The following PTPRT variants were observed in gnomAD, a reference collection of about 807,000 sequenced individuals.
The protein encoded by PTPRT is receptor-type tyrosine-protein phosphatase T.
PTPRT carries 56 observed loss-of-function variants against 176.8 expected under a neutral mutation model. That is an observed-to-expected ratio of 0.32 (90% confidence interval 0.26 to 0.40). The LOEUF (loss-of-function observed/expected upper bound fraction) is 0.40. PTPRT is among the 10% of genes least tolerant of loss of function. The pLI, the probability that PTPRT is intolerant of heterozygous loss-of-function variation, is 1.00. For synonymous variants in PTPRT, 783 were observed against 739.0 expected, an observed-to-expected ratio of 1.06 and a Z score of -0.96; for missense variants, 1,540 against 1,908.2, an observed-to-expected ratio of 0.81 and a Z score of 3.60.
chr20:42,583,484 G>A (rs886962346), intron 7 of PTPRT, among the ~76,000 whole-genome samples: 2 of 152,154 alleles, frequency 1.3e-5, no homozygotes, highest in Non-Finnish European at 2.9e-5. Context: ...ATGACATTGG[G>A]CCTTGTCATG....
intron 1 of PTPRT, among the ~76,000 whole-genome samples, chr20:43,052,564 T>C (rs1568755714): frequency 6.6e-6 from 1 of 152,238 alleles, no homozygotes; most frequent in Non-Finnish European, 1.5e-5. Context: ...TCTACAAGTT[T>C]ATTAATGCTT....
chr20:42,522,499 T>C (rs2072193801), intron 7 of PTPRT, among the ~76,000 whole-genome samples: 1 of 152,136 alleles, frequency 6.6e-6, no homozygotes, highest in Non-Finnish European at 1.5e-5. Flanking sequence ...CTCACTCTAT[T>C]GCTCAGGCTG....
At chr20:43,010,721 A>G (rs1325287273) in intron 1 of PTPRT, among the ~76,000 whole-genome samples, 2 of 143,262 alleles carry the variant, frequency 1.4e-5, no homozygotes, top group Admixed American at 1.4e-4. Context: ...TGAATCCACC[A>G]CTTGCAAGAA....
chr20:43,116,264 A>T (rs2013055678), intron 1 of PTPRT, among the ~76,000 whole-genome samples: 5 of 152,154 alleles, frequency 3.3e-5, no homozygotes. Flanking sequence ...CTCAGATACC[A>T]CTGACTCTCA....
chr20:42,498,982 G>A (rs2071702167), intron 7 of PTPRT, among the ~76,000 whole-genome samples: 2 of 152,252 alleles, frequency 1.3e-5, no homozygotes, highest in African/African-American at 4.8e-5. Context: ...TTTGGGACAT[G>A]TTCTCAGAAC....
chr20:42,278,398 C>G (rs909279962), intron 13 of PTPRT, among the ~76,000 whole-genome samples: 2 of 151,504 alleles, frequency 1.3e-5, no homozygotes, highest in African/African-American at 4.8e-5. Context: ...GAAAGAAGAC[C>G]AGTGTGCCAG....
chr20:42,289,956 T>C (rs2057292478), intron 12 of PTPRT, among the ~76,000 whole-genome samples: 1 of 152,106 alleles, frequency 6.6e-6, no homozygotes, highest in South Asian at 2.1e-4. Context: ...AATTTGTCTC[T>C]GTTGGTCAGA....
intron 1 of PTPRT, among the ~76,000 whole-genome samples, chr20:43,020,632 C>A (rs1416800987): frequency 6.6e-6 from 1 of 152,180 alleles, no homozygotes; most frequent in African/African-American, 2.4e-5. Flanking sequence ...CCTATCTGAT[C>A]AGTGAGAGCG....
intron 7 of PTPRT, among the ~76,000 whole-genome samples, chr20:42,491,193 G>A (rs6016808): frequency 0.13 from 19,996 of 152,006 alleles, 3,107 homozygotes; most frequent in African/African-American, 0.38. Context: ...ATACATTCAC[G>A]CATGAAATGG....
At chr20:42,933,092 T>C (rs909880569) in intron 1 of PTPRT, among the ~76,000 whole-genome samples, 1 of 152,144 alleles carries the variant, frequency 6.6e-6, no homozygotes, top group Non-Finnish European at 1.5e-5. Flanking sequence ...TCAGGCTCTT[T>C]CTGGACCAGA....
At chr20:42,954,614 T>C (rs1981502773) in intron 1 of PTPRT, among the ~76,000 whole-genome samples, 1 of 152,086 alleles carries the variant, frequency 6.6e-6, no homozygotes, top group African/African-American at 2.4e-5. Context: ...GTTTGCTTTT[T>C]TTTTACCATT....
intron 16 of PTPRT, 134 bp downstream of exon 16, chr20:42,199,106 A>C (rs986922308): frequency 9.7e-7 from 1 of 1,027,858 alleles, no homozygotes. Context: ...GAGAACCTTC[A>C]TCCCAGTCCA....
At chr20:42,059,323 A>C in the PTPRT span, among the ~76,000 whole-genome samples, 8 of 152,130 alleles carry the variant, frequency 5.3e-5, no homozygotes, top group Non-Finnish European at 1.2e-4. Flanking sequence ...CTGTGGCCTG[A>C]CCATATTGGT....
At chr20:42,708,670 A>G (rs1040481) in intron 6 of PTPRT, among the ~76,000 whole-genome samples, 58,769 of 152,036 alleles carry the variant, frequency 0.39, 12,129 homozygotes, top group East Asian at 0.52. Context: ...GCTACCTCCT[A>G]AGTGGCTTGA....
chr20:43,039,519 G>A (rs117121783), intron 1 of PTPRT, among the ~76,000 whole-genome samples: 4,956 of 152,110 alleles, frequency 0.033, 113 homozygotes, highest in Middle Eastern at 0.054. Flanking sequence ...TTTTATGAGA[G>A]TGAGGAAGGC....
At chr20:42,258,665 T>A (rs952231995) in intron 13 of PTPRT, among the ~76,000 whole-genome samples, 2 of 152,208 alleles carry the variant, frequency 1.3e-5, no homozygotes, top group Non-Finnish European at 2.9e-5. Flanking sequence ...TCACCAGATC[T>A]GGTTGATAAT....
chr20:43,170,491 C>T (rs2014969972), intron 1 of PTPRT, among the ~76,000 whole-genome samples: 2 of 152,146 alleles, frequency 1.3e-5, no homozygotes, highest in Non-Finnish European at 2.9e-5. Flanking sequence ...AAGTTCAAGT[C>T]ACATTACAAA....
Position 42,756,614 on chromosome 20 carries a change from G to A in PTPRT, c.707C>T (p.Ala236Val), listed in dbSNP as rs1220248639. 1 of 1,597,430 alleles carries A rather than the reference G, an allele frequency of 6.3e-7. No homozygotes were observed. The highest frequency in any genetic ancestry group is 1.3e-5 in the African/African-American group (1 of 74,546). Reference protein sequence around the residue: ...WLQQWNGRDTALMVTRVVNHR... With the variant: ...WLQQWNGRDTVLMVTRVVNHR... Reference sequence around the variant, plus strand: ...GTTGACCACACGGGTGACCATCAGGGCCGTGTCCCTGCCATTCCATTGCTG... The same window carrying A: ...GTTGACCACACGGGTGACCATCAGGACCGTGTCCCTGCCATTCCATTGCTG... Residue 236 changes from alanine (A) to valine (V), a missense_variant, in exon 6 of 31, where the codon GCC becomes GTC. Transcript: ENST00000373187.
intron 1 of PTPRT, among the ~76,000 whole-genome samples, chr20:42,926,425 C>T (rs938121811): frequency 1.3e-5 from 2 of 152,188 alleles, no homozygotes; most frequent in Admixed American, 1.3e-4. Context: ...ACTCTTAGTG[C>T]AATTCACCCC....
Sources: gnomAD v4.1 joint callset for allele counts (sites outside exome capture counted in the v4.1 genomes callset) on GRCh38, gnomAD v4.1.1 for gene constraint, MANE v1.5 for transcripts, NCBI Gene and HGNC (gene_info 2026-07-23, HGNC 2026-07-21) for gene names.